Variants in ARMC2 observed in about 807,000 individuals in gnomAD.
ARMC2 encodes the protein armadillo repeat-containing protein 2.
In ARMC2, 67 loss-of-function variants were observed where a neutral mutation model predicts 90.3. That is an observed-to-expected ratio of 0.74 (90% CI 0.61 to 0.91). The LOEUF is 0.91. Among genes scored for constraint, ARMC2 ranks in the 40% least tolerant of loss-of-function variants. ARMC2 has a pLI of 0.00. For synonymous variants in ARMC2, 393 were observed against 393.0 expected, an observed-to-expected ratio of 1.00 and a Z score of 0.00; for missense variants, 920 against 1,030.9, an observed-to-expected ratio of 0.89 and a Z score of 1.47.
Position 108,928,253 on chromosome 6 carries a change from A to T in ARMC2, c.1496+20A>T. 7.0e-7 allele frequency: 1 copy of T among 1,438,844 alleles called. No individual in the cohort carries two copies. The highest frequency in any genetic ancestry group is 9.2e-7 in the Non-Finnish European group (1 of 1,087,390). 89.1% of individuals were successfully genotyped at this position (1,438,844 alleles called of 1,614,324 possible). ...ATTCAGGTAGGTAGACTAAGACGTG[A>T]AGTAGCCTTACAAAAATGCTAATGC... is the stretch of plus-strand genomic sequence containing the variant. On this transcript the variant is annotated intron_variant, in intron 11 of 17. Transcript: ENST00000392644.
rs1347116828 is a variant in ARMC2 at position 108,904,531 on chromosome 6, T to A, written c.1023+126T>A. 6 of 938,062 alleles carry A rather than the reference T, an allele frequency of 6.4e-6. No individual in the cohort carries two copies. In the East Asian group the frequency reaches 1.8e-4, roughly 29 times the overall value. The allele number at this position is 938,062 out of a possible 1,614,324, so 58.1% of individuals were successfully genotyped here. A position where few individuals can be genotyped will look rare whatever the true frequency, so the allele number is the denominator to read the frequency against. On this transcript the variant is annotated intron_variant, in intron 8 of 17. Transcript: ENST00000392644. Reference sequence around the variant, plus strand: ...ATTTGTTTAGAATCTTGGAAAAAAATTAAGGTAATAAACTGACATCTCAGA... The same window carrying A: ...ATTTGTTTAGAATCTTGGAAAAAAAATAAGGTAATAAACTGACATCTCAGA...
chr6:108,954,592 C>T (rs191927174), intron 13 of ARMC2, among the ~76,000 whole-genome samples: 2 of 152,272 alleles, frequency 1.3e-5, no homozygotes, highest in Non-Finnish European at 2.9e-5. Context: ...CCACTGCATT[C>T]CAGCCTAGGT....
intron 1 of ARMC2, among the ~76,000 whole-genome samples, chr6:108,853,476 CT>C (rs200175214): frequency 0.013 from 1,927 of 151,980 alleles, 38 homozygotes; most frequent in Non-Finnish European, 0.017. Flanking sequence ...ATTTTATGGA[CT>C]TTGAGTTTTT....
chr6:108,916,221 G>A lies in ARMC2; in HGVS notation c.1350+3663G>A, dbSNP rs144723473. Among the ~76,000 whole-genome samples, 53 of 152,284 alleles carry A rather than the reference G, an allele frequency of 3.5e-4. No individual in the cohort carries two copies. In the East Asian group the frequency reaches 0.01, roughly 29 times the overall value. On this transcript the variant is annotated intron_variant, in intron 10 of 17. Transcript: ENST00000392644. ...GAGACACTCATTTCACAAGTTTTGTGGCGTGGCTGCTCTGTGTCAAACATG... is the reference window on the plus strand; with the variant it reads ...GAGACACTCATTTCACAAGTTTTGTAGCGTGGCTGCTCTGTGTCAAACATG...
At chr6:108,901,364 C>T (rs977459524) in intron 7 of ARMC2, among the ~76,000 whole-genome samples, 1 of 150,734 alleles carries the variant, frequency 6.6e-6, no homozygotes, top group African/African-American at 2.4e-5. Flanking sequence ...ATCCACCTGC[C>T]TTGGCCTCCC....
the ARMC2 span, among the ~76,000 whole-genome samples, chr6:109,030,232 A>T: frequency 6.6e-6 from 1 of 152,192 alleles, no homozygotes; most frequent in Admixed American, 6.5e-5. Context: ...GGACCCCCCG[A>T]TCTAAGAATC....
rs77962707 is a variant in ARMC2 at position 108,854,238 on chromosome 6, T to G, written c.-30T>G. ...ATGTATTTGCAGGGTGTGGTGTCTATCTGAAGAATATTTTACTTTCAAAGG... is the reference window on the plus strand; with the variant it reads ...ATGTATTTGCAGGGTGTGGTGTCTAGCTGAAGAATATTTTACTTTCAAAGG... On this transcript the variant is annotated 5_prime_UTR_variant, in exon 2 of 18. Transcript: ENST00000392644. 1.3e-6 allele frequency: 2 copies of G among 1,525,202 alleles called. No homozygotes were observed. Among genetic ancestry groups the G allele is most frequent in the Non-Finnish European group, 1.8e-6 (2 of 1,119,812 alleles). 94.5% of individuals were successfully genotyped at this position (1,525,202 alleles called of 1,614,324 possible).
intron 10 of ARMC2, 81 bp from the exon 11 acceptor site, chr6:108,928,007 G>T: frequency 7.7e-7 from 1 of 1,299,562 alleles, no homozygotes; most frequent in Non-Finnish European, 1.0e-6. Context: ...GGAAATTTAT[G>T]AAATGAATTG....
the ARMC2 span, among the ~76,000 whole-genome samples, chr6:109,039,336 C>T: frequency 1.8e-4 from 27 of 152,308 alleles, 1 homozygote; most frequent in African/African-American, 6.5e-4. Flanking sequence ...GCTTATTAAT[C>T]ATACCATCTT....
At chr6:108,885,536 A>G (rs1261754707) in intron 5 of ARMC2, among the ~76,000 whole-genome samples, 1 of 152,026 alleles carries the variant, frequency 6.6e-6, no homozygotes. Flanking sequence ...CAAAAATACA[A>G]AAAATTAGCC....
chr6:108,971,356 C>T, intron 17 of ARMC2, among the ~76,000 whole-genome samples: 1 of 152,134 alleles, frequency 6.6e-6, no homozygotes, highest in East Asian at 1.9e-4. Flanking sequence ...TGGGGAGATC[C>T]AGGTTTGCTT....
At chr6:109,038,908 A>AG in the ARMC2 span, among the ~76,000 whole-genome samples, 3 of 147,074 alleles carry the variant, frequency 2.0e-5, no homozygotes, top group African/African-American at 8.1e-5. Flanking sequence ...AGGAGAAAAA[A>AG]GGAAGGAGGA....
At chr6:108,880,050 G>A in intron 5 of ARMC2, 1 of 414,476 alleles carries the variant, frequency 2.4e-6, no homozygotes, top group Non-Finnish European at 4.8e-6. Flanking sequence ...AAGGCACAAA[G>A]GCATTCTCCA....
intron 12 of ARMC2, among the ~76,000 whole-genome samples, chr6:108,938,706 A>C (rs1481734836): frequency 6.6e-6 from 1 of 150,520 alleles, no homozygotes; most frequent in African/African-American, 2.4e-5. Flanking sequence ...AATATGGACA[A>C]AAGAAAATAC....
chr6:108,909,213 G>A (rs184156923), intron 8 of ARMC2, among the ~76,000 whole-genome samples: 54 of 152,018 alleles, frequency 3.6e-4, no homozygotes, highest in Non-Finnish European at 4.0e-4. Context: ...TTGTAATGAG[G>A]GCACATATTA....
the ARMC2 span, among the ~76,000 whole-genome samples, chr6:108,991,298 A>G: frequency 6.6e-6 from 1 of 152,036 alleles, no homozygotes; most frequent in Non-Finnish European, 1.5e-5. Context: ...CTAGAGTACA[A>G]TGGTATGATC....
chr6:109,038,262 G>A, the ARMC2 span, among the ~76,000 whole-genome samples: 1 of 152,230 alleles, frequency 6.6e-6, no homozygotes, highest in Non-Finnish European at 1.5e-5. Context: ...AGAGACCAAG[G>A]TGGGCAGATC....
chr6:108,980,765 C>G, the ARMC2 span, among the ~76,000 whole-genome samples: 1 of 152,156 alleles, frequency 6.6e-6, no homozygotes, highest in Non-Finnish European at 1.5e-5. Flanking sequence ...GTGGGCTCCA[C>G]CCAGTTCAAA....
chr6:109,002,378 G>A, the ARMC2 span: 1 of 1,561,212 alleles, frequency 6.4e-7, no homozygotes, highest in East Asian at 2.2e-5. Flanking sequence ...CAGGCCTTTG[G>A]CAGTAAACAA....
Sources: gnomAD v4.1 joint callset for allele counts (sites outside exome capture counted in the v4.1 genomes callset) on GRCh38, gnomAD v4.1.1 for gene constraint, MANE v1.5 for transcripts, NCBI Gene and HGNC (gene_info 2026-07-23, HGNC 2026-07-21) for gene names.